Variants in DPP6 observed in about 807,000 individuals in gnomAD.
The protein encoded by DPP6 is dipeptidyl peptidase like 6, also known as A-type potassium channel modulatory protein DPP6.
In DPP6, 69 loss-of-function variants were observed where a neutral mutation model predicts 122.6. That is an observed-to-expected ratio of 0.56 (90% CI 0.46 to 0.69). The LOEUF (loss-of-function observed/expected upper bound fraction) is 0.69, where lower values mean the gene tolerates loss of function less well. DPP6 is among the 30% of genes least tolerant of loss of function. DPP6 has a pLI of 0.00. For synonymous variants in DPP6, 418 were observed against 433.1 expected, an observed-to-expected ratio of 0.97 and a Z score of 0.43; for missense variants, 928 against 1,116.9, an observed-to-expected ratio of 0.83 and a Z score of 2.41.
rs537017163 is a variant in DPP6 at position 154,661,546 on chromosome 7, G to A, written c.681-7814G>A. Among the ~76,000 whole-genome samples the A allele has an allele frequency of 1.6e-3, 91 of 56,596 alleles. 2 individuals carry two copies. The highest frequency in any genetic ancestry group is 7.7e-3 in the African/African-American group (87 of 11,328). The allele number at this position is 56,596 out of a possible 152,430, so 37.1% of individuals were successfully genotyped here. The stretch of plus-strand genomic sequence containing the variant: ...TGGTGAATCACCATGGCGTATTGGC[G>A]CTAGTATTCATATAGTCATGGTGAA... On this transcript the variant is annotated intron_variant, in intron 6 of 25. Coordinates refer to ENST00000377770, the MANE Select transcript of DPP6 (RefSeq NM_130797.4).
chr7:154,120,507 G>C (rs1274355190), intron 1 of DPP6, among the ~76,000 whole-genome samples: 2 of 152,132 alleles, frequency 1.3e-5, no homozygotes, highest in African/African-American at 2.4e-5. Context: ...GCCTCCCAAA[G>C]TGCTGGGATA....
intron 1 of DPP6, among the ~76,000 whole-genome samples, chr7:154,335,185 G>A (rs1406634669): frequency 7.2e-5 from 11 of 152,204 alleles, no homozygotes; most frequent in African/African-American, 1.2e-4. Flanking sequence ...ACATTGCCAC[G>A]TTAATGTTAA....
intron 1 of DPP6, among the ~76,000 whole-genome samples, chr7:154,174,968 C>G (rs1435377456): frequency 6.6e-6 from 1 of 151,774 alleles, no homozygotes; most frequent in Non-Finnish European, 1.5e-5. Context: ...CCTCCGCCTC[C>G]CAGGTTCAAG....
chr7:154,377,897 G>A (rs560727206), intron 1 of DPP6, among the ~76,000 whole-genome samples: 3 of 152,276 alleles, frequency 2.0e-5, no homozygotes, highest in South Asian at 4.1e-4. Flanking sequence ...AGCCACTTGG[G>A]CACTGCATGG....
chr7:154,721,838 G>T (rs1056410995), intron 7 of DPP6, among the ~76,000 whole-genome samples: 12 of 151,986 alleles, frequency 7.9e-5, no homozygotes, highest in Non-Finnish European at 1.3e-4. Flanking sequence ...ACTTTGAGTT[G>T]GTTGACTCAC....
At chr7:154,883,960 TCA>T (rs200526100) in intron 21 of DPP6, 7,392 of 134,028 alleles carry the variant, frequency 0.055, 821 homozygotes, top group Admixed American at 0.19. Context: ...TGACACATGC[TCA>T]CACACACGAT....
chr7:154,646,566 G>T (rs1005016524), intron 6 of DPP6, among the ~76,000 whole-genome samples: 2 of 152,076 alleles, frequency 1.3e-5, no homozygotes, highest in African/African-American at 2.4e-5. Flanking sequence ...CTTATTTCAC[G>T]CTAGAATTTA....
At chr7:154,680,499 T>C (rs994312857) in intron 7 of DPP6, among the ~76,000 whole-genome samples, 1 of 152,188 alleles carries the variant, frequency 6.6e-6, no homozygotes, top group African/African-American at 2.4e-5. Context: ...TTAGGAAGAC[T>C]GCATGGGAGC....
chr7:154,603,370 T>A (rs920134322), intron 5 of DPP6, among the ~76,000 whole-genome samples: 1 of 118,594 alleles, frequency 8.4e-6, no homozygotes, highest in Non-Finnish European at 1.9e-5. Flanking sequence ...TCGGCCATTT[T>A]AATCATTCCA....
intron 1 of DPP6, among the ~76,000 whole-genome samples, chr7:154,422,485 G>T (rs1817545493): frequency 1.3e-5 from 2 of 152,094 alleles, no homozygotes; most frequent in African/African-American, 4.8e-5. Context: ...AAAATTAATA[G>T]GCTAATAAGG....
intron 1 of DPP6, among the ~76,000 whole-genome samples, chr7:154,218,719 T>C (rs1240859713): frequency 2.0e-5 from 3 of 152,228 alleles, no homozygotes; most frequent in Admixed American, 1.3e-4. Context: ...TCAGAAACTA[T>C]CTTTCAGCTC....
the DPP6 span, among the ~76,000 whole-genome samples, chr7:153,836,981 C>T: frequency 6.6e-6 from 1 of 152,190 alleles, no homozygotes; most frequent in Non-Finnish European, 1.5e-5. Flanking sequence ...CATCCTTGGT[C>T]AGTCAGGGCC....
At chr7:154,155,048 C>T (rs968425672) in intron 1 of DPP6, among the ~76,000 whole-genome samples, 2 of 152,106 alleles carry the variant, frequency 1.3e-5, no homozygotes, top group Non-Finnish European at 1.5e-5. Context: ...TCGATCCTTG[C>T]CTGATTGGTT....
intron 3 of DPP6, among the ~76,000 whole-genome samples, chr7:154,521,992 T>C (rs1400255718): frequency 1.3e-5 from 2 of 151,598 alleles, no homozygotes; most frequent in Non-Finnish European, 2.9e-5. Flanking sequence ...TGAGACGGAG[T>C]CTTGCTCTGT....
intron 21 of DPP6, chr7:154,884,769 G>C (rs889454761): frequency 4.7e-5 from 7 of 149,896 alleles, no homozygotes; most frequent in African/African-American, 1.5e-4. Context: ...GCTCACACAG[G>C]CATACACACA....
At chr7:153,910,196 A>C (rs551876386) in intron 1 of DPP6, among the ~76,000 whole-genome samples, 2 of 150,132 alleles carry the variant, frequency 1.3e-5, no homozygotes, top group East Asian at 3.9e-4. Flanking sequence ...TCACCCTTCC[A>C]GGGCCTGGCA....
chr7:154,887,589 C>T (rs1200248831), intron 22 of DPP6, 87 bp from the exon 23 acceptor site: 19 of 1,365,002 alleles, frequency 1.4e-5, no homozygotes, highest in Admixed American at 3.4e-5. Context: ...ACCCCGCACC[C>T]GGTCCAGGGC....
chr7:154,806,845 C>T (rs1798724707), intron 15 of DPP6, 149 bp from the exon 16 acceptor site: 1 of 1,037,232 alleles, frequency 9.6e-7, no homozygotes. Context: ...TCAGGGGCTC[C>T]AGCAGGGAGA....
At chr7:154,882,040 C>T (rs1453345957) in intron 21 of DPP6, among the ~76,000 whole-genome samples, 1 of 152,228 alleles carries the variant, frequency 6.6e-6, no homozygotes, top group Admixed American at 6.5e-5. Context: ...GGGCCGTGGT[C>T]AGTCTTTTCC....
Sources: allele counts gnomAD v4.1 joint callset (sites outside exome capture counted in the v4.1 genomes callset), GRCh38; gene constraint gnomAD v4.1.1; transcripts MANE v1.5; gene names NCBI Gene and HGNC (gene_info 2026-07-23, HGNC 2026-07-21).